Variants in NIPAL2 observed in about 807,000 individuals in gnomAD.
The protein encoded by NIPAL2 is NIPA like domain containing 2.
In NIPAL2, 43 loss-of-function variants were observed where a neutral mutation model predicts 48.9. The ratio of observed to expected loss-of-function variants is 0.88; its 90% CI spans 0.69 to 1.13. The LOEUF (loss-of-function observed/expected upper bound fraction) is 1.13. NIPAL2 is among the 50% of genes most tolerant of loss of function. NIPAL2 has a pLI of 0.00. For missense variants in NIPAL2, 446 were observed against 461.4 expected, an observed-to-expected ratio of 0.97 and a Z score of 0.31; for synonymous variants, 167 against 174.6, an observed-to-expected ratio of 0.96 and a Z score of 0.34.
chr8:98,279,764 CA>C (rs1392028432), intron 1 of NIPAL2, among the ~76,000 whole-genome samples: 10 of 152,116 alleles, frequency 6.6e-5, no homozygotes, highest in Admixed American at 6.5e-4. Context: ...AAAGCAATGA[CA>C]ATAGTTAGGA....
intron 9 of NIPAL2, 183 bp downstream of exon 9, chr8:98,195,759 C>T (rs1474910748): frequency 6.3e-6 from 3 of 479,178 alleles, no homozygotes; most frequent in Non-Finnish European, 1.1e-5. Context: ...ACCTAAGTCA[C>T]AAAGCCAAAG....
At chr8:98,280,053 G>C (rs1310747646) in intron 1 of NIPAL2, among the ~76,000 whole-genome samples, 1 of 152,230 alleles carries the variant, frequency 6.6e-6, no homozygotes, top group Non-Finnish European at 1.5e-5. Flanking sequence ...ATGATCTTTA[G>C]ATATTTCAAA....
At chr8:98,211,436 A>C (rs544458473) in intron 6 of NIPAL2, among the ~76,000 whole-genome samples, 2 of 152,322 alleles carry the variant, frequency 1.3e-5, no homozygotes, top group African/African-American at 4.8e-5. Context: ...CACAGAGTAC[A>C]TCTGTTTCTA....
intron 1 of NIPAL2, among the ~76,000 whole-genome samples, chr8:98,259,069 C>CTTTTTTTTTTTTTTTTTTTTTTTT (rs1563531576): frequency 1.1e-5 from 1 of 89,356 alleles, no homozygotes; most frequent in African/African-American, 4.6e-5. Context: ...TTTAAATATT[C>CTTTTTTTTTTTTTTTTTTTTTTTT]CTTTTTTTTT....
chr8:98,214,810 C>T (rs911208361), intron 5 of NIPAL2, among the ~76,000 whole-genome samples: 2 of 152,086 alleles, frequency 1.3e-5, no homozygotes, highest in African/African-American at 4.8e-5. Context: ...TAAATTAAAC[C>T]AATTATTTTA....
At chr8:98,233,581 C>T (rs1389532448) in intron 4 of NIPAL2, among the ~76,000 whole-genome samples, 2 of 152,134 alleles carry the variant, frequency 1.3e-5, no homozygotes, top group East Asian at 3.8e-4. Flanking sequence ...GTTGCCTGTA[C>T]AGTTGATAGC....
intron 6 of NIPAL2, among the ~76,000 whole-genome samples, chr8:98,210,240 T>A (rs1475151598): frequency 6.6e-6 from 1 of 152,150 alleles, no homozygotes; most frequent in East Asian, 1.9e-4. Context: ...TGACTTACAT[T>A]TAAAGCAATC....
At chr8:98,244,563 AG>A (rs1400681291) in intron 3 of NIPAL2, among the ~76,000 whole-genome samples, 3 of 26,398 alleles carry the variant, frequency 1.1e-4, no homozygotes, top group East Asian at 9.0e-4. Context: ...GGCTGTGATA[AG>A]GGGGGTGCGC....
intron 3 of NIPAL2, among the ~76,000 whole-genome samples, chr8:98,238,954 C>T (rs1812852682): frequency 6.6e-6 from 1 of 152,090 alleles, no homozygotes; most frequent in Admixed American, 6.6e-5. Context: ...AAAACCCAAA[C>T]CCCTACCCCA....
intron 1 of NIPAL2, among the ~76,000 whole-genome samples, chr8:98,291,829 C>T (rs1816504765): frequency 2.0e-5 from 3 of 152,190 alleles, no homozygotes; most frequent in Admixed American, 6.5e-5. Flanking sequence ...AAGACATCTT[C>T]CCCCACTGAA....
At chr8:98,227,328 T>G (rs1320252446) in intron 4 of NIPAL2, among the ~76,000 whole-genome samples, 4 of 152,082 alleles carry the variant, frequency 2.6e-5, no homozygotes, top group Admixed American at 1.3e-4. Flanking sequence ...AAGGAGTCCC[T>G]CCCCATAGCC....
intron 1 of NIPAL2, among the ~76,000 whole-genome samples, chr8:98,280,155 G>A: frequency 6.6e-6 from 1 of 152,160 alleles, no homozygotes; most frequent in East Asian, 1.9e-4. Context: ...GTAATACAGG[G>A]GTGTGTGGAA....
At chr8:98,220,917 G>T (rs1321878933) in intron 5 of NIPAL2, among the ~76,000 whole-genome samples, 2 of 139,872 alleles carry the variant, frequency 1.4e-5, no homozygotes. Flanking sequence ...CATCAAACAA[G>T]ATAACCCAGT....
chr8:98,259,101 G>A, intron 1 of NIPAL2, among the ~76,000 whole-genome samples: 1 of 85,118 alleles, frequency 1.2e-5, no homozygotes, highest in African/African-American at 5.7e-5. Flanking sequence ...TTTTGAGACG[G>A]AGTTTCGCTC....
At chr8:98,278,823 T>A (rs1586474878) in intron 1 of NIPAL2, among the ~76,000 whole-genome samples, 1 of 152,194 alleles carries the variant, frequency 6.6e-6, no homozygotes, top group East Asian at 1.9e-4. Context: ...ACTAGAAGGA[T>A]CTCAGTGAGT....
At chr8:98,211,887 A>C (rs751645219) in intron 6 of NIPAL2, among the ~76,000 whole-genome samples, 7 of 152,066 alleles carry the variant, frequency 4.6e-5, no homozygotes, top group Non-Finnish European at 8.8e-5. Flanking sequence ...TTATCTAAGC[A>C]CTCATTTTCA....
intron 4 of NIPAL2, among the ~76,000 whole-genome samples, chr8:98,224,753 TTC>T (rs989206460): frequency 2.2e-5 from 2 of 88,968 alleles, no homozygotes; most frequent in African/African-American, 3.7e-5. Context: ...TTTCTTTCTT[TTC>T]TTTTTTTTTT....
intron 1 of NIPAL2, among the ~76,000 whole-genome samples, chr8:98,269,386 G>A (rs556377880): frequency 6.6e-6 from 1 of 152,272 alleles, no homozygotes; most frequent in African/African-American, 2.4e-5. Context: ...TTGATCCATA[G>A]GCTGCAGAAT....
At chr8:98,225,430 C>G (rs1020495791) in intron 4 of NIPAL2, among the ~76,000 whole-genome samples, 1 of 152,092 alleles carries the variant, frequency 6.6e-6, no homozygotes, top group East Asian at 1.9e-4. Context: ...ATTTTTATTT[C>G]GGTAAAGCCA....
Sources: allele counts gnomAD v4.1 joint callset (sites outside exome capture counted in the v4.1 genomes callset), GRCh38; gene constraint gnomAD v4.1.1; transcripts MANE v1.5; gene names NCBI Gene and HGNC (gene_info 2026-07-23, HGNC 2026-07-21).